The following ADAMTS17 variants were observed in gnomAD, a reference collection of about 807,000 sequenced individuals.
ADAMTS17 encodes the protein ADAM metallopeptidase with thrombospondin type 1 motif 17.
In ADAMTS17, 113 loss-of-function variants were observed where a neutral mutation model predicts 141.5. That is an observed-to-expected ratio of 0.80 (90% CI 0.69 to 0.93). The LOEUF is 0.93. ADAMTS17 is among the 40% of genes least tolerant of loss of function. ADAMTS17 has a pLI of 0.00. For synonymous variants in ADAMTS17, 768 were observed against 630.6 expected, an observed-to-expected ratio of 1.22 and a Z score of -3.27; for missense variants, 1,659 against 1,517.9, an observed-to-expected ratio of 1.09 and a Z score of -1.54.
chr15:100,158,198 A>G (rs555919530), intron 8 of ADAMTS17, among the ~76,000 whole-genome samples: 1 of 152,286 alleles, frequency 6.6e-6, no homozygotes, highest in East Asian at 1.9e-4. Context: ...ACTTTGTTGA[A>G]TAAAGTGAGT....
At chr15:100,007,293 C>T (rs2061054766) in intron 18 of ADAMTS17, among the ~76,000 whole-genome samples, 1 of 152,164 alleles carries the variant, frequency 6.6e-6, no homozygotes, top group Non-Finnish European at 1.5e-5. Context: ...GTCTGGTCCA[C>T]ACCTTAAGGC....
intron 3 of ADAMTS17, among the ~76,000 whole-genome samples, chr15:100,294,037 A>G (rs546329185): frequency 6.6e-6 from 1 of 152,138 alleles, no homozygotes; most frequent in East Asian, 1.9e-4. Context: ...TTCCTTGTCT[A>G]TAAGGCAAGA....
At chr15:100,203,043 A>C (rs2041395264) in intron 7 of ADAMTS17, among the ~76,000 whole-genome samples, 1 of 152,236 alleles carries the variant, frequency 6.6e-6, no homozygotes, top group Non-Finnish European at 1.5e-5. Context: ...CGGAGGCAGA[A>C]AGGCAACTGG....
chr15:100,120,055 CAATAAGCACT>C (rs1268437942), intron 12 of ADAMTS17, among the ~76,000 whole-genome samples: 1 of 152,152 alleles, frequency 6.6e-6, no homozygotes, highest in Non-Finnish European at 1.5e-5. Flanking sequence ...GGAGGGTCTC[CAATAAGCACT>C]AGACTGACGT....
chr15:100,041,054 G>GTC (rs958586901), intron 18 of ADAMTS17, among the ~76,000 whole-genome samples: 7 of 152,250 alleles, frequency 4.6e-5, no homozygotes, highest in Non-Finnish European at 1.0e-4. Flanking sequence ...TTAAGTCATG[G>GTC]TCTCTCTCTC....
chr15:100,060,993 G>T (rs148543868), intron 15 of ADAMTS17, among the ~76,000 whole-genome samples: 1 of 152,184 alleles, frequency 6.6e-6, no homozygotes, highest in Non-Finnish European at 1.5e-5. Flanking sequence ...CCAGGCCCTG[G>T]AGTCCTGGGA....
intron 14 of ADAMTS17, among the ~76,000 whole-genome samples, chr15:100,100,494 T>G (rs903123217): frequency 1.3e-5 from 2 of 152,108 alleles, no homozygotes; most frequent in African/African-American, 4.8e-5. Context: ...CTGCCTGACC[T>G]CTTAATTCTA....
chr15:100,225,223 G>C (rs1023132363), intron 7 of ADAMTS17, among the ~76,000 whole-genome samples: 2 of 152,232 alleles, frequency 1.3e-5, no homozygotes, highest in Non-Finnish European at 1.5e-5. Context: ...TTATAAAAGG[G>C]CTAAAAGATC....
At chr15:100,308,340 G>A (rs990168174) in intron 3 of ADAMTS17, among the ~76,000 whole-genome samples, 3 of 152,134 alleles carry the variant, frequency 2.0e-5, no homozygotes, top group Non-Finnish European at 4.4e-5. Context: ...CAACTGGAAG[G>A]AAAAAAGCAA....
intron 8 of ADAMTS17, among the ~76,000 whole-genome samples, chr15:100,175,496 G>C (rs937112663): frequency 5.3e-5 from 8 of 152,086 alleles, no homozygotes; most frequent in Admixed American, 3.3e-4. Context: ...AATTCTTTAG[G>C]AAAAGAAAAC....
intron 13 of ADAMTS17, among the ~76,000 whole-genome samples, chr15:100,111,145 A>G (rs2036753230): frequency 6.6e-6 from 1 of 152,130 alleles, no homozygotes; most frequent in Admixed American, 6.5e-5. Flanking sequence ...TCCATTCACC[A>G]AGCAGGGACT....
At chr15:100,079,564 C>G (rs1331775605) in intron 15 of ADAMTS17, among the ~76,000 whole-genome samples, 1 of 152,136 alleles carries the variant, frequency 6.6e-6, no homozygotes, top group Non-Finnish European at 1.5e-5. Flanking sequence ...TGACTGCTAC[C>G]AAGCATGGGG....
intron 7 of ADAMTS17, among the ~76,000 whole-genome samples, chr15:100,252,894 T>G (rs1269827164): frequency 6.6e-6 from 1 of 152,148 alleles, no homozygotes; most frequent in Non-Finnish European, 1.5e-5. Flanking sequence ...TTGAAGGGTC[T>G]TGTGAGTCAC....
In ADAMTS17 at chr15:100,199,372, G is replaced by A; in HGVS notation, c.1127C>T (p.Ala376Val). 1 of 1,614,190 alleles carries A rather than the reference G, an allele frequency of 6.2e-7. No homozygotes were observed. Among genetic ancestry groups the A allele is most frequent in the Non-Finnish European group, 8.5e-7 (1 of 1,180,026 alleles). The change falls in exon 8 of 22, where the codon GCC (alanine) becomes GTC (valine). Residue 376 changes from alanine to valine, a missense_variant. Ala to Val is a moderately conservative substitution (Grantham distance 64). Coordinates refer to ENST00000268070, the MANE Select transcript of ADAMTS17 (RefSeq NM_139057.4). ...VCSAKRKCVL[A>V]EDNGLNLAFT... Reference sequence around the variant, plus strand: ...GGCCAAATTGAGACCATTGTCTTCGGCAAGCACACACTTCCTCTTAGCACT... The same window carrying A: ...GGCCAAATTGAGACCATTGTCTTCGACAAGCACACACTTCCTCTTAGCACT...
In ADAMTS17 at chr15:99,972,004, C is replaced by G. The variant is rs542005106; in HGVS notation, c.*2398G>C. 6.6e-6 allele frequency: 1 copy of G among 152,240 alleles called. No homozygotes were observed. The allele number at this position is 152,240 out of a possible 1,614,324, so 9.4% of individuals were successfully genotyped here. On this transcript the variant is annotated 3_prime_UTR_variant, in exon 22 of 22. Coordinates refer to ENST00000268070, the MANE Select transcript of ADAMTS17 (RefSeq NM_139057.4). ...CGGTGGCTCACTCCTGTAATCCCAG[C>G]ACTTTGGAAGGCTGAGGCGGGTGGA...
intron 15 of ADAMTS17, chr15:100,063,788 C>A (rs2033303990): frequency 7.8e-7 from 1 of 1,277,154 alleles, no homozygotes; most frequent in South Asian, 1.2e-5. Flanking sequence ...CAGAAGTAAA[C>A]CACACCTCCA....
At chr15:100,185,277 A>G (rs531011200) in intron 8 of ADAMTS17, among the ~76,000 whole-genome samples, 4 of 152,342 alleles carry the variant, frequency 2.6e-5, no homozygotes, top group South Asian at 4.1e-4. Context: ...ATGAATTAAC[A>G]GACATAAAGC....
chr15:100,049,064 A>G, intron 17 of ADAMTS17, 72 bp from the exon 18 acceptor site: 1 of 1,611,112 alleles, frequency 6.2e-7, no homozygotes, highest in East Asian at 2.2e-5. Flanking sequence ...TTGCATGCCC[A>G]TGAAAGCATG....
chr15:100,339,197 G>A (rs2046292603), intron 2 of ADAMTS17: 1 of 977,038 alleles, frequency 1.0e-6, no homozygotes, highest in Non-Finnish European at 1.2e-6. Flanking sequence ...TAAAGGGAAG[G>A]ACAGTCTTGC....
Sources: allele counts gnomAD v4.1 joint callset (sites outside exome capture counted in the v4.1 genomes callset), GRCh38; gene constraint gnomAD v4.1.1; transcripts MANE v1.5; gene names NCBI Gene and HGNC (gene_info 2026-07-23, HGNC 2026-07-21).